MACROD2: variants seen among roughly 807,000 people sequenced by gnomAD.
MACROD2 encodes mono-ADP ribosylhydrolase 2.
A neutral mutation model predicts 70.4 loss-of-function variants in MACROD2; 36 were observed. The observed-to-expected ratio is 0.51, with a 90% CI of 0.39 to 0.68. The LOEUF (loss-of-function observed/expected upper bound fraction) is 0.68. Among genes scored for constraint, MACROD2 ranks in the 30% least tolerant of loss-of-function variants. The pLI, the probability that MACROD2 is intolerant of heterozygous loss-of-function variation, is 0.00. For synonymous variants in MACROD2, 172 were observed against 178.8 expected (o/e 0.96, Z 0.30); for missense variants, 496 against 538.4 (o/e 0.92, Z 0.78).
chr20:15,673,260 T>C (rs888786275), intron 8 of MACROD2, among the ~76,000 whole-genome samples: 4 of 152,228 alleles, frequency 2.6e-5, no homozygotes, highest in Non-Finnish European at 4.4e-5. Flanking sequence ...CAGGAGTCTA[T>C]ATATTGTCTT....
At chr20:15,637,024 G>A (rs1277861625) in intron 8 of MACROD2, among the ~76,000 whole-genome samples, 1 of 152,212 alleles carries the variant, frequency 6.6e-6, no homozygotes, top group Admixed American at 6.5e-5. Flanking sequence ...AAAGAGGAAT[G>A]CTGCAGATAA....
At chr20:14,785,915 A>G (rs1341184752) in intron 5 of MACROD2, among the ~76,000 whole-genome samples, 1 of 152,088 alleles carries the variant, frequency 6.6e-6, no homozygotes, top group East Asian at 1.9e-4. Flanking sequence ...AGGAAAAAAG[A>G]TTAAAAGGAC....
chr20:14,495,653 T>C (rs1442891849), intron 4 of MACROD2, among the ~76,000 whole-genome samples: 1 of 152,186 alleles, frequency 6.6e-6, no homozygotes, highest in Non-Finnish European at 1.5e-5. Flanking sequence ...TGTTGGTGTG[T>C]ATAGAACTGA....
chr20:15,540,983 G>A (rs1278052806), intron 8 of MACROD2, among the ~76,000 whole-genome samples: 1 of 152,170 alleles, frequency 6.6e-6, no homozygotes, highest in African/African-American at 2.4e-5. Flanking sequence ...CATCAGTGGT[G>A]AGACCCTATT....
chr20:15,077,994 A>G (rs1437635243), intron 5 of MACROD2, among the ~76,000 whole-genome samples: 1 of 152,128 alleles, frequency 6.6e-6, no homozygotes, highest in East Asian at 1.9e-4. Flanking sequence ...GCCACTGGAA[A>G]AGGAGCTACC....
intron 7 of MACROD2, among the ~76,000 whole-genome samples, chr20:15,475,736 C>T (rs1389861731): frequency 2.6e-5 from 4 of 152,220 alleles, no homozygotes; most frequent in Non-Finnish European, 4.4e-5. Flanking sequence ...AATGAGTCCT[C>T]GTCCAGATAG....
rs944977053 is a variant in MACROD2 at position 14,645,506 on chromosome 20, A to C, written c.302-39337A>C. Among the ~76,000 whole-genome samples the C allele has an allele frequency of 2.0e-5, 3 of 151,962 alleles. No homozygotes were observed. The South Asian group carries it at 6.2e-4, about 32-fold the overall frequency. On this transcript the variant is annotated intron_variant, in intron 4 of 17. Coordinates refer to ENST00000684519, the MANE Select transcript of MACROD2 (RefSeq NM_001351661.2). ...GTTTGCTTTTTCTAATTTAATTTTG[A>C]TTGTGGTGTGCTTAATTTATAATCT...
chr20:14,979,531 G>T (rs1028240526), intron 5 of MACROD2, among the ~76,000 whole-genome samples: 1 of 152,106 alleles, frequency 6.6e-6, no homozygotes, highest in Admixed American at 6.6e-5. Flanking sequence ...CTTAAAAAGA[G>T]CAAAGTTTAA....
At chr20:14,457,619 C>T (rs1405765382) in intron 3 of MACROD2, among the ~76,000 whole-genome samples, 30 of 152,090 alleles carry the variant, frequency 2.0e-4, no homozygotes, top group Admixed American at 2.0e-3. Context: ...TTCATTCATT[C>T]CCTTGGGGAT....
In MACROD2 at chr20:15,745,745, G is replaced by A. The variant is rs187387597; in HGVS notation, c.646-117000G>A. On this transcript the variant is annotated intron_variant, in intron 8 of 17. Coordinates refer to ENST00000684519, the MANE Select transcript of MACROD2 (RefSeq NM_001351661.2). ...GTATCCACATCATAGTACAGTACAG[G>A]TAGTGGTATATTTTATTTTGTACAT... Among the ~76,000 whole-genome samples, 54 of 152,150 alleles carry A rather than the reference G, an allele frequency of 3.5e-4. No individual in the cohort carries two copies. The East Asian group carries it at 6.8e-3, about 19-fold the overall frequency.
chr20:14,067,428 G>A (rs975891979), intron 2 of MACROD2, among the ~76,000 whole-genome samples: 1 of 152,084 alleles, frequency 6.6e-6, no homozygotes, highest in East Asian at 1.9e-4. Flanking sequence ...GCATAAAAAG[G>A]TTTGTGTTTT....
At position 15,026,566 on chromosome 20, in the gene MACROD2, A is replaced by G. The variant is rs568721369; in HGVS notation, c.419-203374A>G. On this transcript the variant is annotated intron_variant, in intron 5 of 17. Transcript: ENST00000684519. ...GTTCCCATTCAATAGCCATGAGTAG[A>G]CTTATGGGCTTAGTTAACTCATATG... Among the ~76,000 whole-genome samples, 6 of 151,980 alleles carry G rather than the reference A, an allele frequency of 3.9e-5. 1 individual carries two copies. The highest frequency in any genetic ancestry group is 3.9e-4 in the Admixed American group (6 of 15,246).
intron 5 of MACROD2, among the ~76,000 whole-genome samples, chr20:14,700,492 G>T (rs1302203779): frequency 6.6e-6 from 1 of 151,118 alleles, no homozygotes; most frequent in African/African-American, 2.4e-5. Context: ...AGATGAGTAA[G>T]CTTGTTCTTT....
At chr20:14,795,986 C>G (rs578071428) in intron 5 of MACROD2, among the ~76,000 whole-genome samples, 1 of 152,076 alleles carries the variant, frequency 6.6e-6, no homozygotes, top group Admixed American at 6.6e-5. Flanking sequence ...TAGATTTGGC[C>G]ACATGGAGAT....
intron 8 of MACROD2, among the ~76,000 whole-genome samples, chr20:15,787,160 C>T (rs1450989820): frequency 6.6e-6 from 1 of 151,966 alleles, no homozygotes; most frequent in African/African-American, 2.4e-5. Context: ...TTAATAGAGA[C>T]GGGATTTCAC....
At chr20:14,501,629 T>C (rs1447759450) in intron 4 of MACROD2, among the ~76,000 whole-genome samples, 1 of 152,154 alleles carries the variant, frequency 6.6e-6, no homozygotes, top group Non-Finnish European at 1.5e-5. Flanking sequence ...TATATTTGTA[T>C]GTTTCATAAT....
At position 14,326,015 on chromosome 20, in the gene MACROD2, C is replaced by G. The variant is rs559347061; in HGVS notation, c.272-167464C>G. On this transcript the variant is annotated intron_variant, in intron 3 of 17. Transcript: ENST00000684519. The surrounding 1 kb of genome is among the most constrained non-coding windows in gnomAD (Gnocchi z 5.5). ...ATTCGAAGGGGTGCAGTTTCAGTCTCAATACAAACAGGAGTTTCATCAAAT... is the reference window on the plus strand; with the variant it reads ...ATTCGAAGGGGTGCAGTTTCAGTCTGAATACAAACAGGAGTTTCATCAAAT... 1 of 1,613,922 alleles carries G rather than the reference C, an allele frequency of 6.2e-7. No individual in the cohort carries two copies.
intron 3 of MACROD2, among the ~76,000 whole-genome samples, chr20:14,361,333 A>T (rs2083219898): frequency 6.6e-6 from 1 of 152,056 alleles, no homozygotes; most frequent in African/African-American, 2.4e-5. Flanking sequence ...TTAGTTTACC[A>T]CTGTGACGTG....
At chr20:15,539,681 T>C (rs1052356616) in intron 8 of MACROD2, among the ~76,000 whole-genome samples, 5 of 152,288 alleles carry the variant, frequency 3.3e-5, no homozygotes, top group Admixed American at 3.3e-4. Flanking sequence ...ATTCACTCAG[T>C]AAATAACTAC....
Sources: gnomAD v4.1 joint callset for allele counts (sites outside exome capture counted in the v4.1 genomes callset) on GRCh38, gnomAD v4.1.1 for gene constraint, Gnocchi (gnomAD v3.1) non-coding constraint, MANE v1.5 for transcripts, NCBI Gene and HGNC (gene_info 2026-07-23, HGNC 2026-07-21) for gene names.